Variants in UCK2 observed in about 807,000 individuals in gnomAD.
UCK2 encodes cytidine monophosphokinase 2.
In UCK2, 6 loss-of-function variants were observed where a neutral mutation model predicts 30.8. The ratio of observed to expected loss-of-function variants is 0.19; its 90% CI spans 0.11 to 0.38. The LOEUF is 0.38. Among genes scored for constraint, UCK2 ranks in the 10% least tolerant of loss-of-function variants. The probability of loss-of-function intolerance (pLI) is 1.00; values close to 1 mark genes in which losing one functional copy is unlikely to be tolerated. For missense variants in UCK2, 210 were observed against 339.8 expected (o/e 0.62, Z 3.00); for synonymous variants, 125 against 133.6 (o/e 0.94, Z 0.45).
chr1:165,836,224 G>A (rs1654187103), intron 1 of UCK2, among the ~76,000 whole-genome samples: 2 of 147,006 alleles, frequency 1.4e-5, no homozygotes, highest in African/African-American at 2.7e-5. Flanking sequence ...GCAAGACTCC[G>A]TCTCAAAACA....
intron 3 of UCK2, 193 bp downstream of exon 3, chr1:165,891,515 C>A (rs1655767513): frequency 3.5e-6 from 2 of 572,156 alleles, no homozygotes; most frequent in Non-Finnish European, 6.3e-6. Context: ...TTGGGGAGTT[C>A]ATCTGAGCGC....
chr1:165,842,517 A>G (rs959682566), intron 1 of UCK2, among the ~76,000 whole-genome samples: 1 of 152,044 alleles, frequency 6.6e-6, no homozygotes, highest in Admixed American at 6.5e-5. Flanking sequence ...CATCTCTGTC[A>G]CTCCTGCACT....
At chr1:165,849,426 A>G (rs745551933) in intron 1 of UCK2, among the ~76,000 whole-genome samples, 12 of 151,902 alleles carry the variant, frequency 7.9e-5, no homozygotes, top group East Asian at 1.9e-4. Context: ...AGATTTCTCT[A>G]TGGGGCTGCA....
At chr1:165,886,449 C>A (rs1453430777) in intron 1 of UCK2, among the ~76,000 whole-genome samples, 1 of 151,956 alleles carries the variant, frequency 6.6e-6, no homozygotes, top group Non-Finnish European at 1.5e-5. Context: ...GGCACAAACA[C>A]CATGCCTAGA....
chr1:165,877,399 C>G (rs764524335), intron 1 of UCK2, among the ~76,000 whole-genome samples: 1 of 152,170 alleles, frequency 6.6e-6, no homozygotes, highest in Admixed American at 6.5e-5. Flanking sequence ...ACACTTCCAT[C>G]GCTACTGCTG....
At chr1:165,842,464 T>C (rs77361108) in intron 1 of UCK2, among the ~76,000 whole-genome samples, 2 of 152,300 alleles carry the variant, frequency 1.3e-5, no homozygotes, top group East Asian at 3.9e-4. Flanking sequence ...GCTCTACCTG[T>C]ATTTTCTCTC....
chr1:165,866,543 C>T (rs570248749), intron 1 of UCK2, among the ~76,000 whole-genome samples: 35 of 152,128 alleles, frequency 2.3e-4, no homozygotes, highest in African/African-American at 6.7e-4. Context: ...ATATACATAA[C>T]GTAAAATTTA....
In UCK2 at chr1:165,891,494, G is replaced by A. The variant is rs554878610; in HGVS notation, c.356+172G>A. ...GTGGTGGCAGCAGTGTGTGCTGTGGGATTGTAGAGGTTGGGGAGTTCATCT... is the reference window on the plus strand; with the variant it reads ...GTGGTGGCAGCAGTGTGTGCTGTGGAATTGTAGAGGTTGGGGAGTTCATCT... On this transcript the variant is annotated intron_variant, in intron 3 of 6. Coordinates refer to ENST00000367879, the MANE Select transcript of UCK2 (RefSeq NM_012474.5). 3.6e-5 allele frequency: 22 copies of A among 611,472 alleles called. No homozygotes were observed. The African/African-American group carries it at 3.7e-4, about 10-fold the overall frequency. 37.9% of individuals were successfully genotyped at this position (611,472 alleles called of 1,614,324 possible). A position where few individuals can be genotyped will look rare whatever the true frequency, so the allele number is the denominator to read the frequency against.
intron 1 of UCK2, among the ~76,000 whole-genome samples, chr1:165,860,441 TTTTTTGAGACAGGGTCTCAC>T: frequency 6.6e-6 from 1 of 152,148 alleles, no homozygotes; most frequent in African/African-American, 2.4e-5. Context: ...GAATTCTTTT[TTTTTTGAGACAGGGTCTCAC>T]TTTTTGAGAC....
At chr1:165,880,942 C>T (rs1161426446) in intron 1 of UCK2, among the ~76,000 whole-genome samples, 1 of 151,876 alleles carries the variant, frequency 6.6e-6, no homozygotes, top group Non-Finnish European at 1.5e-5. Context: ...GAGGCCGAGG[C>T]GTGTGGATCA....
In UCK2 at chr1:165,842,705, C is replaced by G. The variant is rs10918292; in HGVS notation, c.99+14773C>G. Among the ~76,000 whole-genome samples, 526 of 152,324 alleles carry G rather than the reference C, an allele frequency of 3.5e-3. 2 individuals carry two copies. The highest frequency in any genetic ancestry group is 0.012 in the African/African-American group (497 of 41,566). On this transcript the variant is annotated intron_variant, in intron 1 of 6. Transcript: ENST00000367879. ...CTCCAAAACATTTTCCACATTGCTG[C>G]TGGAGTGATCTTTTAAAAATGCAAC...
Position 165,903,648 on chromosome 1 carries a change from A to G in UCK2, c.597+369A>G, listed in dbSNP as rs140438371. Among the ~76,000 whole-genome samples the G allele has an allele frequency of 7.0e-4, 106 of 152,298 alleles. 1 individual carries two copies. In the East Asian group the frequency reaches 0.013, roughly 18 times the overall value. On this transcript the variant is annotated intron_variant, in intron 5 of 6. Coordinates refer to ENST00000367879, the MANE Select transcript of UCK2 (RefSeq NM_012474.5). ...CATTTGGATCTCTGAAGGGTCTGCA[A>G]TGGGTGACGTATGGATGCACTGGGT...
chr1:165,864,549 C>T (rs1654997723), intron 1 of UCK2, among the ~76,000 whole-genome samples: 1 of 152,142 alleles, frequency 6.6e-6, no homozygotes, highest in South Asian at 2.1e-4. Context: ...CCAAACCTAA[C>T]CATTAACTAA....
intron 1 of UCK2, among the ~76,000 whole-genome samples, chr1:165,843,885 T>C (rs996688999): frequency 2.0e-5 from 3 of 152,244 alleles, no homozygotes; most frequent in Admixed American, 2.0e-4. Context: ...TTTTTTCTTA[T>C]ATCACTAATA....
intron 1 of UCK2, among the ~76,000 whole-genome samples, chr1:165,886,999 C>G (rs1426486194): frequency 1.3e-5 from 2 of 152,172 alleles, no homozygotes; most frequent in African/African-American, 4.8e-5. Context: ...TTATTTATCT[C>G]CTTCCTGATA....
At chr1:165,878,643 T>A (rs1253676596) in intron 1 of UCK2, among the ~76,000 whole-genome samples, 3 of 152,198 alleles carry the variant, frequency 2.0e-5, no homozygotes, top group African/African-American at 7.2e-5. Context: ...CGTGCCCGGC[T>A]GCCAGCTTAT....
intron 4 of UCK2, among the ~76,000 whole-genome samples, chr1:165,901,240 A>C (rs1647450194): frequency 6.6e-6 from 1 of 152,194 alleles, no homozygotes; most frequent in Admixed American, 6.5e-5. Context: ...CGATCAGCCA[A>C]CTGTTTTATT....
At chr1:165,829,389 A>G (rs954059004) in intron 1 of UCK2, among the ~76,000 whole-genome samples, 17 of 152,222 alleles carry the variant, frequency 1.1e-4, no homozygotes, top group African/African-American at 3.9e-4. Context: ...CTCTTCTGGC[A>G]TATTCCTGTT....
chr1:165,888,983 A>AG (rs895308380), intron 1 of UCK2, among the ~76,000 whole-genome samples: 2 of 152,174 alleles, frequency 1.3e-5, no homozygotes, highest in African/African-American at 4.8e-5. Context: ...GAAGGGAAAA[A>AG]GGGGCAGACA....
Sources: gnomAD v4.1 joint callset for allele counts (sites outside exome capture counted in the v4.1 genomes callset) on GRCh38, gnomAD v4.1.1 for gene constraint, MANE v1.5 for transcripts, NCBI Gene and HGNC (gene_info 2026-07-23, HGNC 2026-07-21) for gene names.